Variants in STAC2 observed in about 807,000 individuals in gnomAD.
STAC2 encodes the protein SH3 and cysteine rich domain 2, also known as SH3 and cysteine-rich domain-containing protein 2.
STAC2 carries 36 observed loss-of-function variants against 49.0 expected under a neutral mutation model. The ratio of observed to expected loss-of-function variants is 0.74; its 90% confidence interval spans 0.56 to 0.97. The LOEUF (loss-of-function observed/expected upper bound fraction) is 0.97. STAC2 is among the 50% of genes least tolerant of loss of function. The pLI is 0.00. For synonymous variants in STAC2, 239 were observed against 214.7 expected, an observed-to-expected ratio of 1.11 and a Z score of -0.99; for missense variants, 527 against 543.8, an observed-to-expected ratio of 0.97 and a Z score of 0.31.
chr17:39,225,931 C>T lies in STAC2; in HGVS notation c.-429G>A. ...CCCGGCGGCCCCTCCGCCCAGTCCT[C>T]GCCGCCCAACTTTGATTTAGGAGGT... On this transcript the variant is annotated 5_prime_UTR_variant, in exon 1 of 11. Coordinates refer to ENST00000333461, the MANE Select transcript of STAC2 (RefSeq NM_198993.5). The surrounding 1 kb of genome is among the most constrained non-coding windows in gnomAD (Gnocchi z 8.2). 2 of 214,140 alleles carry T rather than the reference C, an allele frequency of 9.3e-6. No homozygotes were observed. Among genetic ancestry groups the T allele is most frequent in the Non-Finnish European group, 9.3e-6 (1 of 107,354 alleles). 13.3% of individuals were successfully genotyped at this position (214,140 alleles called of 1,614,324 possible).
chr17:39,213,677 T>TTC, intron 8 of STAC2, 119 bp from the exon 9 acceptor site: 3 of 861,228 alleles, frequency 3.5e-6, no homozygotes, highest in South Asian at 3.6e-5. Context: ...CGATTCTTTT[T>TTC]TTTTTTTTTT....
rs763849484 is a variant in STAC2 at position 39,214,232 on chromosome 17, C to G, written c.941+1G>C. The G allele has an allele frequency of 3.1e-6, 5 of 1,613,864 alleles. No individual in the cohort carries two copies. The highest frequency in any genetic ancestry group is 1.1e-5 in the South Asian group (1 of 91,088). On this transcript the variant is annotated splice_donor_variant, in intron 8 of 10. Transcript: ENST00000333461. LOFTEE classifies it high-confidence loss of function. ...GGGGCCAGGTCACAAAGAGGACTTACTGCAGAGCCAGATCATTGTTCTCCT... is the reference window on the plus strand; with the variant it reads ...GGGGCCAGGTCACAAAGAGGACTTAGTGCAGAGCCAGATCATTGTTCTCCT...
chr17:39,218,228 G>T (rs562587931), intron 1 of STAC2, 55 bp from the exon 2 acceptor site: 1 of 1,598,070 alleles, frequency 6.3e-7, no homozygotes, highest in African/African-American at 1.3e-5. Context: ...TGGCCAGGGC[G>T]GGCTTCCCTT....
rs58343303 is a variant in STAC2, at chr17:39,215,378, T to C, written c.587-148A>G. ...TCATCCCAGAGATGGCTCTGGGTCC[T>C]CCCATGGTGCCCATGCAGAAACTTG... On this transcript the variant is annotated intron_variant, in intron 4 of 10. Transcript: ENST00000333461. The C allele has an allele frequency of 0.011, 8,452 of 774,976 alleles. 486 individuals are homozygous for C. In the African/African-American group the frequency reaches 0.13, roughly 12 times the overall value. The allele number at this position is 774,976 out of a possible 1,614,324, so 48.0% of individuals were successfully genotyped here. A position where few individuals can be genotyped will look rare whatever the true frequency, so the allele number is the denominator to read the frequency against.
At chr17:39,213,884 C>T (rs1430472014) in intron 8 of STAC2, among the ~76,000 whole-genome samples, 1 of 151,974 alleles carries the variant, frequency 6.6e-6, no homozygotes, top group Non-Finnish European at 1.5e-5. Flanking sequence ...ACTATGTTGG[C>T]CAGGCTGGTC....
At chr17:39,217,837 C>T in intron 2 of STAC2, 30 bp downstream of exon 2, 2 of 1,575,996 alleles carry the variant, frequency 1.3e-6, no homozygotes, top group Non-Finnish European at 1.7e-6. Context: ...TGGCCCCTCC[C>T]CGTGGCCGCC....
chr17:39,214,141 C>G, intron 8 of STAC2, 92 bp downstream of exon 8: 1 of 1,421,836 alleles, frequency 7.0e-7, no homozygotes, highest in Non-Finnish European at 9.8e-7. Flanking sequence ...CTCAAGCATG[C>G]AAGAAGGTTC....
intron 4 of STAC2, among the ~76,000 whole-genome samples, chr17:39,215,720 T>C (rs569185489): frequency 6.6e-6 from 1 of 152,326 alleles, no homozygotes; most frequent in Non-Finnish European, 1.5e-5. Flanking sequence ...TCTTTTTTTT[T>C]CGAGACGGAG....
At chr17:39,216,926 T>A (rs2046409106) in intron 3 of STAC2, 26 bp from the exon 4 acceptor site, 1 of 1,587,246 alleles carries the variant, frequency 6.3e-7, no homozygotes, top group African/African-American at 1.3e-5. Context: ...GCAGAGAGGT[T>A]TTGAGGAGGT....
At chr17:39,220,024 T>G (rs1382140836) in intron 1 of STAC2, among the ~76,000 whole-genome samples, 2 of 152,154 alleles carry the variant, frequency 1.3e-5, no homozygotes, top group African/African-American at 4.8e-5. Context: ...GAGGGGATGT[T>G]TGGGCACAAG....
intron 1 of STAC2, among the ~76,000 whole-genome samples, chr17:39,222,834 C>T (rs1332113579): frequency 1.3e-5 from 2 of 152,148 alleles, no homozygotes; most frequent in Non-Finnish European, 2.9e-5. Flanking sequence ...ATATCCTGGA[C>T]GGCCCCTTAT....
At chr17:39,215,266 T>C (rs11078892) in intron 4 of STAC2, 36 bp from the exon 5 acceptor site, 868,486 of 1,607,172 alleles carry the variant, frequency 0.54, 237,491 homozygotes, top group East Asian at 0.69. Flanking sequence ...TGGCTCTGCC[T>C]CAAAGCCCTG....
intron 2 of STAC2, among the ~76,000 whole-genome samples, chr17:39,217,592 G>A (rs1317960089): frequency 6.6e-6 from 1 of 152,126 alleles, no homozygotes; most frequent in Non-Finnish European, 1.5e-5. Flanking sequence ...GCATGGTAGT[G>A]TGTGCCTGCA....
chr17:39,219,512 A>G (rs2046441122), intron 1 of STAC2, among the ~76,000 whole-genome samples: 1 of 150,454 alleles, frequency 6.6e-6, no homozygotes. Context: ...TTTATTTCTC[A>G]CTCCCCCAGG....
chr17:39,218,537 G>C (rs562420662), intron 1 of STAC2, among the ~76,000 whole-genome samples: 1 of 152,290 alleles, frequency 6.6e-6, no homozygotes, highest in African/African-American at 2.4e-5. Flanking sequence ...AAGAAATCTA[G>C]ACTTTTATGT....
intron 1 of STAC2, among the ~76,000 whole-genome samples, chr17:39,224,063 G>T (rs1268826640): frequency 5.3e-5 from 8 of 152,036 alleles, no homozygotes; most frequent in Admixed American, 5.2e-4. Flanking sequence ...GCAGGATGGG[G>T]GCTCCCTGGG....
In STAC2 at chr17:39,216,796, G is replaced by A. The variant is rs78519881; in HGVS notation, c.586+14C>T. The A allele has an allele frequency of 6.4e-7, 1 of 1,570,964 alleles. No homozygotes were observed. The highest frequency in any genetic ancestry group is 1.2e-5 in the South Asian group (1 of 85,628). On this transcript the variant is annotated intron_variant, in intron 4 of 10. Coordinates refer to ENST00000333461, the MANE Select transcript of STAC2 (RefSeq NM_198993.5). ...ACAATGGGAGCAGGGACTGCGGCCA[G>A]GGGGGGCACTCACCAGTGGGTGGGG...
intron 1 of STAC2, among the ~76,000 whole-genome samples, chr17:39,223,443 G>GGC (rs1170831434): frequency 6.6e-6 from 1 of 152,218 alleles, no homozygotes; most frequent in Non-Finnish European, 1.5e-5. Flanking sequence ...GCTCCAGCTG[G>GGC]CCTGACACAG....
chr17:39,212,209 G>A lies in STAC2; in HGVS notation c.*83C>T. On this transcript the variant is annotated 3_prime_UTR_variant, in exon 11 of 11. Coordinates refer to ENST00000333461, the MANE Select transcript of STAC2 (RefSeq NM_198993.5). Reference sequence around the variant, plus strand: ...ACAGAGGGAGGAAGGGTATGGAGTGGACAAGGGGGCCTGATCCCCTCCCTG... The same window carrying A: ...ACAGAGGGAGGAAGGGTATGGAGTGAACAAGGGGGCCTGATCCCCTCCCTG... 2.0e-6 allele frequency: 2 copies of A among 1,008,592 alleles called. No homozygotes were observed. Among genetic ancestry groups the A allele is most frequent in the Non-Finnish European group, 3.0e-6 (2 of 660,742 alleles). The allele number at this position is 1,008,592 out of a possible 1,614,324, so 62.5% of individuals were successfully genotyped here. A position where few individuals can be genotyped will look rare whatever the true frequency, so the allele number is the denominator to read the frequency against.
Sources: allele counts gnomAD v4.1 joint callset (sites outside exome capture counted in the v4.1 genomes callset), GRCh38; gene constraint gnomAD v4.1.1; non-coding constraint Gnocchi (gnomAD v3.1); transcripts MANE v1.5; gene names NCBI Gene and HGNC (gene_info 2026-07-23, HGNC 2026-07-21).